Variants in ARHGEF1 observed in about 807,000 individuals in gnomAD.
ARHGEF1 encodes 115 kDa guanine nucleotide exchange factor.
ARHGEF1 carries 40 observed loss-of-function variants against 119.7 expected under a neutral mutation model. That is an observed-to-expected ratio of 0.33 (90% CI 0.26 to 0.44). ARHGEF1 has a LOEUF of 0.44. ARHGEF1 is among the 20% of genes least tolerant of loss of function. The pLI is 1.00. For synonymous variants in ARHGEF1, 494 were observed against 521.0 expected (o/e 0.95, Z 0.71); for missense variants, 976 against 1,268.3 (o/e 0.77, Z 3.50).
chr19:41,923,279 G>A (rs774347307), intron 1 of ARHGEF1: 1 of 421,888 alleles, frequency 2.4e-6, no homozygotes, highest in Admixed American at 2.6e-5. Context: ...TCAGAGGACA[G>A]AGCAAGGGCC....
intron 12 of ARHGEF1, 47 bp from the exon 13 acceptor site, chr19:41,896,330 G>C (rs782305480): frequency 1.8e-6 from 2 of 1,113,616 alleles, no homozygotes; most frequent in Non-Finnish European, 2.4e-6. Context: ...TGTGGGTCTC[G>C]TGGCCGCAGA....
intron 13 of ARHGEF1, chr19:41,898,191 AG>A (rs2074543716): frequency 7.1e-7 from 1 of 1,409,180 alleles, no homozygotes; most frequent in Admixed American, 3.2e-5. Flanking sequence ...AGAGTCACAG[AG>A]GAATGGGCGT....
upstream of ARHGEF1, among the ~76,000 whole-genome samples, chr19:41,921,097 C>T (rs544044561): frequency 6.6e-6 from 1 of 152,134 alleles, no homozygotes; most frequent in Non-Finnish European, 1.5e-5. The surrounding 1 kb of genome is among the most constrained non-coding windows in gnomAD (Gnocchi z 4.4). Context: ...CAGTGCCACG[C>T]ACCCCGCCTA....
Position 41,906,824 on chromosome 19 carries a change from C to A in ARHGEF1, c.*17+21C>A. On this transcript the variant is annotated intron_variant, in intron 28 of 28. Coordinates refer to ENST00000354532, the MANE Select transcript of ARHGEF1 (RefSeq NM_004706.4). This position sits in a 1 kb window ranked among gnomAD's most constrained non-coding sequence, Gnocchi z 4.5. ...GGAAGGTGAGTGGGGCACCTGGGGG[C>A]CAGGGCGCTGTCCTGAAAGGAGGGT... The A allele has an allele frequency of 6.3e-7, 1 of 1,575,734 alleles. No individual in the cohort carries two copies. Among genetic ancestry groups the A allele is most frequent in the Non-Finnish European group, 8.7e-7 (1 of 1,156,060 alleles).
At chr19:41,884,113 C>T (rs1030594672) in intron 1 of ARHGEF1, among the ~76,000 whole-genome samples, 19 of 152,164 alleles carry the variant, frequency 1.2e-4, no homozygotes, top group African/African-American at 4.1e-4. Flanking sequence ...GTGCTCAGCG[C>T]TGGGGTGACT....
rs781898651 is a variant in ARHGEF1 at position 41,888,102 on chromosome 19, G to T, written c.20G>T (p.Gly7Val). MEDFAR[G>V]AASPGPSRPG... ...AGGGAGATGGAAGACTTCGCCCGAG[G>T]GGCGGTGAGTGGACAGAGCAAGGGG... is the stretch of plus-strand genomic sequence containing the variant. Residue 7 changes from glycine (G) to valine (V), a missense_variant, in exon 2 of 29, where the codon GGG becomes GTG. Transcript: ENST00000354532. This position sits in a 1 kb window ranked among gnomAD's most constrained non-coding sequence, Gnocchi z 5.1. 1 of 1,613,824 alleles carries T rather than the reference G, an allele frequency of 6.2e-7. No individual in the cohort carries two copies. Among genetic ancestry groups the T allele is most frequent in the South Asian group, 1.1e-5 (1 of 91,052 alleles).
upstream of ARHGEF1, among the ~76,000 whole-genome samples, chr19:41,919,745 C>T (rs1173475211): frequency 6.6e-6 from 1 of 152,052 alleles, no homozygotes; most frequent in Non-Finnish European, 1.5e-5. Flanking sequence ...TTGGTCCTTC[C>T]ACCCTGTTTC....
At position 41,905,401 on chromosome 19, in the gene ARHGEF1, G is replaced by A. The variant is rs547592197; in HGVS notation, c.2336+140G>A. On this transcript the variant is annotated intron_variant, in intron 24 of 28. Transcript: ENST00000354532. This position sits in a 1 kb window ranked among gnomAD's most constrained non-coding sequence, Gnocchi z 6.4. ...CATGTGTGTGCATACATGTGTGTCT[G>A]TACGCAAGTATGTGACTGTGCGTGC... 5.4e-6 allele frequency: 4 copies of A among 742,444 alleles called. No individual in the cohort carries two copies. Among genetic ancestry groups the A allele is most frequent in the Admixed American group, 2.8e-5 (1 of 35,424 alleles). 46.0% of individuals were successfully genotyped at this position (742,444 alleles called of 1,614,324 possible).
chr19:41,910,088 A>T (rs2074743768), downstream of ARHGEF1: 1 of 1,612,610 alleles, frequency 6.2e-7, no homozygotes, highest in Admixed American at 1.7e-5. This position sits in a 1 kb window ranked among gnomAD's most constrained non-coding sequence, Gnocchi z 4.4. Context: ...CCAATCCGGG[A>T]AGGCAAACCC....
rs2074636062 is a variant in ARHGEF1 at position 41,903,368 on chromosome 19, C to T, written c.1800C>T (p.His600=). ...LAAECCREIL[H]HVNQAVRDME... is the part of the protein sequence containing the mutation. ...CCGAGTGCTGCCGGGAAATTCTACA[C>T]CACGTCAACCAAGCCGTGCGTGACA... Residue 600 remains histidine (H), a synonymous_variant, in exon 19 of 29, where the codon CAC becomes CAT. Coordinates refer to ENST00000354532, the MANE Select transcript of ARHGEF1 (RefSeq NM_004706.4). This position sits in a 1 kb window ranked among gnomAD's most constrained non-coding sequence, Gnocchi z 4.2. 1 of 1,613,968 alleles carries T rather than the reference C, an allele frequency of 6.2e-7. No homozygotes were observed.
intron 14 of ARHGEF1, among the ~76,000 whole-genome samples, chr19:41,899,219 G>A (rs1039129856): frequency 1.3e-5 from 2 of 151,896 alleles, no homozygotes; most frequent in Non-Finnish European, 2.9e-5. Flanking sequence ...GAACCCTTGG[G>A]CTCAAGTGAT....
Position 41,905,024 on chromosome 19 carries a change from C to T in ARHGEF1, c.2237C>T (p.Ser746Leu), listed in dbSNP as rs138482475. The change falls in exon 23 of 29, where the codon TCG becomes TTG. Residue 746 changes from serine to leucine, a missense_variant. By Grantham distance (145) the Ser-to-Leu change is moderately radical (BLOSUM62 -2). This residue lies in a region of ARHGEF1 where 286 missense variants were observed against 506.8 expected (regional missense o/e 0.56). Transcript: ENST00000354532. This position sits in a 1 kb window ranked among gnomAD's most constrained non-coding sequence, Gnocchi z 6.4. ...QIYELVAQTV[S>L]ERKNWCALIT... ...TACGAGCTGGTGGCACAGACTGTGT[C>T]GGAGCGGAAAAAGTGAGGGGGGGTC... 1.1e-5 allele frequency: 18 copies of T among 1,613,972 alleles called. No homozygotes were observed. In the African/African-American group the frequency reaches 1.6e-4, roughly 14 times the overall value.
At chr19:41,918,097 T>C (rs73935809), upstream of ARHGEF1, among the ~76,000 whole-genome samples, 35,395 of 151,620 alleles carry the variant, frequency 0.23, 8,352 homozygotes, top group African/African-American at 0.61. Context: ...TGCCCCCCCA[T>C]CCCGGACGCC....
upstream of ARHGEF1, among the ~76,000 whole-genome samples, chr19:41,922,097 G>GT (rs2074845686): frequency 6.6e-6 from 1 of 152,106 alleles, no homozygotes; most frequent in Non-Finnish European, 1.5e-5. Flanking sequence ...GAGGGGCGGG[G>GT]GCAGAGAGCT....
chr19:41,906,945 GTGTCTCTGTTTCTGATAATCTGTTTCTC>G lies in ARHGEF1; in HGVS notation c.*18-150_*18-123del. 1 of 952,896 alleles carries G rather than the reference GTGTCTCTGTTTCTGATAATCTGTTTCTC, an allele frequency of 1.0e-6. No homozygotes were observed. The highest frequency in any genetic ancestry group is 1.5e-6 in the Non-Finnish European group (1 of 658,328). 59.0% of individuals were successfully genotyped at this position (952,896 alleles called of 1,614,324 possible). ...ACTCCACCTCGTGTTTCTCATCTCT[GTGTCTCTGTTTCTGATAATCTGTTTCTC>G]TGTCTCTGTGCCCGCCTGCCTCTCC... On this transcript the variant is annotated intron_variant, in intron 28 of 28. Transcript: ENST00000354532. This position sits in a 1 kb window ranked among gnomAD's most constrained non-coding sequence, Gnocchi z 4.5.
Position 41,903,243 on chromosome 19 carries a change from G to A in ARHGEF1, c.1739-64G>A, listed in dbSNP as rs973728542. On this transcript the variant is annotated intron_variant, in intron 18 of 28. Coordinates refer to ENST00000354532, the MANE Select transcript of ARHGEF1 (RefSeq NM_004706.4). This position sits in a 1 kb window ranked among gnomAD's most constrained non-coding sequence, Gnocchi z 4.2. The stretch of plus-strand genomic sequence containing the variant: ...GGCCAGCTGTCCTTTGTCTAACCTT[G>A]GCTGCCCAATCTGGAGCCTCCAGGG... 13 of 1,476,838 alleles carry A rather than the reference G, an allele frequency of 8.8e-6. No individual in the cohort carries two copies. The highest frequency in any genetic ancestry group is 1.7e-5 in the Admixed American group (1 of 57,774). The allele number at this position is 1,476,838 out of a possible 1,614,324, so 91.5% of individuals were successfully genotyped here.
At position 41,906,889 on chromosome 19, in the gene ARHGEF1, A is replaced by C; in HGVS notation, c.*17+86A>C. ...CGCATCCCTACAGCCCCTTCTGTCC[A>C]TCTCCCTCTTTGTCTTTTCTGAATC... On this transcript the variant is annotated intron_variant, in intron 28 of 28. Transcript: ENST00000354532. The surrounding 1 kb of genome is among the most constrained non-coding windows in gnomAD (Gnocchi z 4.5). The C allele has an allele frequency of 9.1e-7, 1 of 1,095,636 alleles. No homozygotes were observed. The highest frequency in any genetic ancestry group is 1.3e-6 in the Non-Finnish European group (1 of 774,228). 67.9% of individuals were successfully genotyped at this position (1,095,636 alleles called of 1,614,324 possible). A position where few individuals can be genotyped will look rare whatever the true frequency, so the allele number is the denominator to read the frequency against.
At chr19:41,920,027 C>G (rs1223819360), upstream of ARHGEF1, among the ~76,000 whole-genome samples, 5 of 137,692 alleles carry the variant, frequency 3.6e-5, no homozygotes, top group Non-Finnish European at 6.2e-5. Flanking sequence ...ATGACGCGCT[C>G]ACAGACATGA....
At position 41,904,131 on chromosome 19, in the gene ARHGEF1, C is replaced by T; in HGVS notation, c.1993+21C>T. ...AGTGGGTGAGTGCCAGAGCAGCTGC[C>T]TAGTGCAGGGTGTTGGGGCAGTGAG... is the stretch of plus-strand genomic sequence containing the variant. On this transcript the variant is annotated intron_variant, in intron 21 of 28. Transcript: ENST00000354532. The surrounding 1 kb of genome is among the most constrained non-coding windows in gnomAD (Gnocchi z 8.4). The T allele has an allele frequency of 6.2e-7, 1 of 1,614,202 alleles. No individual in the cohort carries two copies. The highest frequency in any genetic ancestry group is 1.3e-5 in the African/African-American group (1 of 75,062).
Sources: allele counts gnomAD v4.1 joint callset (sites outside exome capture counted in the v4.1 genomes callset), GRCh38; gene constraint gnomAD v4.1.1; regional missense constraint gnomAD v4.1.1; non-coding constraint Gnocchi (gnomAD v3.1); transcripts MANE v1.5; gene names NCBI Gene and HGNC (gene_info 2026-07-23, HGNC 2026-07-21).